ERBB4: variants seen among roughly 807,000 people sequenced by gnomAD.
The protein encoded by ERBB4 is receptor tyrosine-protein kinase erbB-4.
ERBB4 carries 42 observed loss-of-function variants against 158.0 expected under a neutral mutation model. That is an observed-to-expected ratio of 0.27 (90% CI 0.21 to 0.34). The LOEUF is 0.34. Ranked by LOEUF, ERBB4 falls within the 10% of genes least tolerant of loss-of-function variation. The pLI is 1.00. For synonymous variants in ERBB4, 583 were observed against 558.7 expected, an observed-to-expected ratio of 1.04 and a Z score of -0.61; for missense variants, 1,333 against 1,624.1, an observed-to-expected ratio of 0.82 and a Z score of 3.08.
At chr2:211,779,005 G>T (rs2075968487) in intron 4 of ERBB4, 8 of 152,108 alleles carry the variant, frequency 5.3e-5, no homozygotes, top group Admixed American at 5.2e-4. Flanking sequence ...CTCCCACATG[G>T]TAACATATTA....
chr2:211,442,704 T>C (rs1215237569), intron 20 of ERBB4, among the ~76,000 whole-genome samples: 1 of 137,584 alleles, frequency 7.3e-6, no homozygotes, highest in Non-Finnish European at 1.6e-5. Context: ...CGTGTGTATA[T>C]ATGTATTGAG....
At chr2:212,388,948 C>T (rs1313502947) in intron 1 of ERBB4, among the ~76,000 whole-genome samples, 3 of 152,112 alleles carry the variant, frequency 2.0e-5, no homozygotes, top group Non-Finnish European at 4.4e-5. Flanking sequence ...CAAGGCATCT[C>T]TAAATATAAT....
intron 1 of ERBB4, among the ~76,000 whole-genome samples, chr2:212,397,250 G>A (rs2091055583): frequency 6.6e-6 from 1 of 152,060 alleles, no homozygotes; most frequent in Admixed American, 6.6e-5. Flanking sequence ...TGAGGCGGGA[G>A]GATCACTTGA....
At chr2:212,062,399 CTTTTTTTTTTTTTTTTTTTTTTT>C (rs199535512) in intron 2 of ERBB4, among the ~76,000 whole-genome samples, 3 of 81,302 alleles carry the variant, frequency 3.7e-5, no homozygotes, top group African/African-American at 8.6e-5. Context: ...CTTGTCAATT[CTTTTTTTTTTTTTTTTTTTTTTT>C]TTTTTTTTTT....
At chr2:211,717,432 CAT>C (rs946004869) in intron 7 of ERBB4, among the ~76,000 whole-genome samples, 1 of 152,134 alleles carries the variant, frequency 6.6e-6, no homozygotes, top group African/African-American at 2.4e-5. Context: ...ATTAAACACA[CAT>C]ATATATACAT....
intron 16 of ERBB4, among the ~76,000 whole-genome samples, chr2:211,653,832 G>A (rs556465198): frequency 1.2e-4 from 18 of 151,828 alleles, no homozygotes; most frequent in East Asian, 3.9e-4. Context: ...GTTCCACCAC[G>A]CCCGGCTAAT....
At chr2:212,364,372 A>ACTAC (rs2089803820) in intron 1 of ERBB4, among the ~76,000 whole-genome samples, 1 of 151,692 alleles carries the variant, frequency 6.6e-6, no homozygotes, top group African/African-American at 2.4e-5. Flanking sequence ...CTTGACTCCT[A>ACTAC]CTACCGCTAA....
At chr2:211,519,999 G>A (rs532914059) in intron 20 of ERBB4, among the ~76,000 whole-genome samples, 2 of 152,240 alleles carry the variant, frequency 1.3e-5, no homozygotes, top group South Asian at 4.1e-4. Flanking sequence ...TTCCATGTGA[G>A]GAGGGGAAGC....
At chr2:212,218,684 C>T (rs778811378) in intron 1 of ERBB4, among the ~76,000 whole-genome samples, 2 of 151,322 alleles carry the variant, frequency 1.3e-5, no homozygotes, top group Non-Finnish European at 3.0e-5. Flanking sequence ...CTATAGTATT[C>T]ATATCTCACT....
At chr2:212,451,273 T>C (rs991676850) in intron 1 of ERBB4, among the ~76,000 whole-genome samples, 1 of 152,198 alleles carries the variant, frequency 6.6e-6, no homozygotes, top group African/African-American at 2.4e-5. Context: ...AAGTTCATAT[T>C]TGCACTGTGT....
At chr2:211,626,585 T>G (rs1470316260) in intron 17 of ERBB4, among the ~76,000 whole-genome samples, 1 of 152,104 alleles carries the variant, frequency 6.6e-6, no homozygotes, top group African/African-American at 2.4e-5. Flanking sequence ...GTAAAATAAT[T>G]TAGTCTTAAA....
intron 1 of ERBB4, among the ~76,000 whole-genome samples, chr2:212,368,483 G>C (rs1459299957): frequency 6.6e-6 from 1 of 152,022 alleles, no homozygotes; most frequent in Non-Finnish European, 1.5e-5. Flanking sequence ...AGTGTATACT[G>C]CTTGGGTGAT....
intron 1 of ERBB4, among the ~76,000 whole-genome samples, chr2:212,133,794 A>G (rs2080184974): frequency 6.6e-6 from 1 of 152,172 alleles, no homozygotes; most frequent in Non-Finnish European, 1.5e-5. Context: ...CCCTTTCCCT[A>G]CAAAACCTTT....
chr2:211,781,756 A>G (rs1464961084), intron 4 of ERBB4, among the ~76,000 whole-genome samples: 1 of 152,150 alleles, frequency 6.6e-6, no homozygotes, highest in African/African-American at 2.4e-5. Flanking sequence ...ATTGCTCGTA[A>G]TAGCCCTATG....
intron 20 of ERBB4, among the ~76,000 whole-genome samples, chr2:211,503,006 T>G (rs986594753): frequency 6.6e-6 from 1 of 152,100 alleles, no homozygotes; most frequent in African/African-American, 2.4e-5. Context: ...GGAGGAAGCA[T>G]GGCTACTTGC....
intron 20 of ERBB4, among the ~76,000 whole-genome samples, chr2:211,533,878 T>A (rs773071526): frequency 6.6e-6 from 1 of 152,010 alleles, no homozygotes; most frequent in Admixed American, 6.6e-5. Context: ...CTTAAAAAAA[T>A]ACAGAAAATC....
intron 1 of ERBB4, among the ~76,000 whole-genome samples, chr2:212,235,421 GT>G (rs2083829783): frequency 6.7e-6 from 1 of 149,226 alleles, no homozygotes; most frequent in African/African-American, 2.4e-5. Flanking sequence ...ATGCCTCCAG[GT>G]TTTTGCACAG....
intron 2 of ERBB4, among the ~76,000 whole-genome samples, chr2:212,030,281 C>A (rs1049812572): frequency 6.6e-6 from 1 of 152,082 alleles, no homozygotes; most frequent in African/African-American, 2.4e-5. Context: ...CTTCTTCTAA[C>A]AGTATCCTGC....
intron 1 of ERBB4, among the ~76,000 whole-genome samples, chr2:212,292,704 G>T (rs1193293931): frequency 3.9e-5 from 6 of 152,120 alleles, no homozygotes; most frequent in Non-Finnish European, 7.4e-5. Flanking sequence ...AAGGATTATG[G>T]ATTATGGCAC....
Sources: allele counts gnomAD v4.1 joint callset (sites outside exome capture counted in the v4.1 genomes callset), GRCh38; gene constraint gnomAD v4.1.1; transcripts MANE v1.5; gene names NCBI Gene and HGNC (gene_info 2026-07-23, HGNC 2026-07-21).